ST6GALNAC3: variants seen among roughly 807,000 people sequenced by gnomAD.
ST6GALNAC3 encodes ST6 N-acetylgalactosaminide alpha-2,6-sialyltransferase 3.
Under a neutral mutation model 32.7 loss-of-function variants are expected in ST6GALNAC3, and 25 were observed. The ratio of observed to expected loss-of-function variants is 0.76; its 90% confidence interval spans 0.56 to 1.07. The LOEUF is 1.07. Among genes scored for constraint, ST6GALNAC3 ranks in the 50% least tolerant of loss-of-function variants. ST6GALNAC3 has a pLI of 0.00. For synonymous variants in ST6GALNAC3, 129 were observed against 133.1 expected (o/e 0.97, Z 0.21); for missense variants, 355 against 382.4 (o/e 0.93, Z 0.60).
At chr1:76,616,530 G>A (rs957103349) in intron 3 of ST6GALNAC3, among the ~76,000 whole-genome samples, 7 of 152,130 alleles carry the variant, frequency 4.6e-5, no homozygotes, top group East Asian at 1.9e-4. Flanking sequence ...TGAGAGCAGC[G>A]CCTGCCTTGA....
chr1:76,317,734 G>C (rs1031294606), intron 2 of ST6GALNAC3, among the ~76,000 whole-genome samples: 5 of 152,110 alleles, frequency 3.3e-5, no homozygotes, highest in Non-Finnish European at 7.3e-5. Context: ...TGATGCTTCA[G>C]CTTGGCCAGA....
intron 3 of ST6GALNAC3, among the ~76,000 whole-genome samples, chr1:76,538,582 C>T (rs1254691288): frequency 6.6e-6 from 1 of 152,190 alleles, no homozygotes; most frequent in African/African-American, 2.4e-5. Context: ...ATCAAATTAT[C>T]TCTGTTTGCA....
At chr1:76,211,821 A>T (rs1296417938) in intron 1 of ST6GALNAC3, among the ~76,000 whole-genome samples, 3 of 152,086 alleles carry the variant, frequency 2.0e-5, no homozygotes, top group African/African-American at 7.2e-5. Context: ...GCATTAGGAG[A>T]TATACCTAAT....
chr1:76,337,148 A>G (rs1311529592), intron 2 of ST6GALNAC3, among the ~76,000 whole-genome samples: 4 of 152,152 alleles, frequency 2.6e-5, no homozygotes. Flanking sequence ...TTTCTCCTAG[A>G]TCCGCCCCCT....
intron 2 of ST6GALNAC3, among the ~76,000 whole-genome samples, chr1:76,364,093 ATAT>A (rs1161313908): frequency 2.6e-5 from 4 of 152,338 alleles, no homozygotes; most frequent in Admixed American, 2.0e-4. Flanking sequence ...AGACAGAATA[ATAT>A]TATGAAAGTC....
chr1:76,330,130 A>C (rs889928895), intron 2 of ST6GALNAC3, among the ~76,000 whole-genome samples: 6 of 151,622 alleles, frequency 4.0e-5, no homozygotes, highest in Non-Finnish European at 7.4e-5. Context: ...GAGAATATTA[A>C]ACAAATAAAC....
At chr1:76,444,343 A>G (rs892813584) in intron 3 of ST6GALNAC3, among the ~76,000 whole-genome samples, 1 of 152,184 alleles carries the variant, frequency 6.6e-6, no homozygotes, top group African/African-American at 2.4e-5. Flanking sequence ...GATGGCTCCT[A>G]TAACACTGGT....
chr1:76,531,379 A>G (rs551923868), intron 3 of ST6GALNAC3, among the ~76,000 whole-genome samples: 10 of 152,270 alleles, frequency 6.6e-5, no homozygotes, highest in African/African-American at 1.7e-4. Context: ...GAATCAGTAA[A>G]CATCACGGGA....
In ST6GALNAC3 at chr1:76,518,665, C is replaced by T. The variant is rs1662320054; in HGVS notation, c.623+106248C>T. On this transcript the variant is annotated intron_variant, in intron 3 of 4. Coordinates refer to ENST00000328299, the MANE Select transcript of ST6GALNAC3 (RefSeq NM_152996.4). ...AATTTTTCATTTTCTTTCTACTTCC[C>T]TGCCCCTTCCTGTGTTTTGTTAAAA... 2.6e-5 allele frequency among the ~76,000 whole-genome samples: 4 copies of T among 152,170 alleles called. No individual in the cohort carries two copies. The South Asian group carries it at 6.2e-4, about 24-fold the overall frequency.
intron 1 of ST6GALNAC3, among the ~76,000 whole-genome samples, chr1:76,296,038 T>TTATGCATA (rs1660384915): frequency 2.0e-5 from 3 of 152,042 alleles, no homozygotes; most frequent in African/African-American, 7.2e-5. Context: ...GGGTGGTGTG[T>TTATGCATA]TCTGAACGTT....
intron 2 of ST6GALNAC3, among the ~76,000 whole-genome samples, chr1:76,350,845 A>G (rs372509662): frequency 3.9e-5 from 6 of 152,216 alleles, no homozygotes; most frequent in Non-Finnish European, 7.4e-5. Context: ...TTTCCTAAGC[A>G]TTATAATTCT....
intron 1 of ST6GALNAC3, among the ~76,000 whole-genome samples, chr1:76,149,270 T>C (rs1013815296): frequency 2.0e-5 from 3 of 152,188 alleles, no homozygotes; most frequent in Non-Finnish European, 2.9e-5. Context: ...CATTCAACCA[T>C]GTATAGTGAA....
At chr1:76,209,874 G>A (rs1655041073) in intron 1 of ST6GALNAC3, among the ~76,000 whole-genome samples, 1 of 152,012 alleles carries the variant, frequency 6.6e-6, no homozygotes, top group African/African-American at 2.4e-5. Flanking sequence ...GATTATCTTG[G>A]GGTTTATTTT....
At chr1:76,414,482 C>T (rs1285271826) in intron 3 of ST6GALNAC3, among the ~76,000 whole-genome samples, 2 of 152,022 alleles carry the variant, frequency 1.3e-5, no homozygotes, top group Non-Finnish European at 2.9e-5. Flanking sequence ...AATCTATATC[C>T]TAACCCCATC....
intron 3 of ST6GALNAC3, among the ~76,000 whole-genome samples, chr1:76,524,330 T>G (rs958794645): frequency 5.9e-5 from 9 of 152,182 alleles, no homozygotes; most frequent in Admixed American, 6.6e-5. Flanking sequence ...CATCTTGAAC[T>G]AGAACCCCCA....
chr1:76,125,352 T>G lies in ST6GALNAC3; in HGVS notation c.18+50468T>G, dbSNP rs373740120. 1.6e-4 allele frequency among the ~76,000 whole-genome samples: 24 copies of G among 152,314 alleles called. No homozygotes were observed. The East Asian group carries it at 3.9e-3, about 25-fold the overall frequency. ...CTGCACCTATTGATTGATCCCTCAG[T>G]GGCTGCTGGTTGGCTCTTTGTCCCA... On this transcript the variant is annotated intron_variant, in intron 1 of 4. Coordinates refer to ENST00000328299, the MANE Select transcript of ST6GALNAC3 (RefSeq NM_152996.4).
chr1:76,136,829 A>T (rs553852541), intron 1 of ST6GALNAC3, among the ~76,000 whole-genome samples: 4 of 152,254 alleles, frequency 2.6e-5, no homozygotes, highest in Non-Finnish European at 4.4e-5. Flanking sequence ...CTTGGTGAGA[A>T]TTTTTTTGTA....
At chr1:76,129,723 G>A (rs992031658) in intron 1 of ST6GALNAC3, among the ~76,000 whole-genome samples, 1 of 152,124 alleles carries the variant, frequency 6.6e-6, no homozygotes, top group African/African-American at 2.4e-5. Context: ...TCATGGCAAA[G>A]ATTTTTTTTC....
In ST6GALNAC3 at chr1:76,600,333, G is replaced by T. The variant is rs76165110; in HGVS notation, c.624-27119G>T. 3.7e-4 allele frequency among the ~76,000 whole-genome samples: 56 copies of T among 152,254 alleles called. 1 individual carries two copies. In the East Asian group the frequency reaches 9.7e-3, roughly 26 times the overall value. ...TTGTTTCTAAGTCACCCAGTTTATGGTATTTTATTATAGCAACCCAAATTG... is the reference window on the plus strand; with the variant it reads ...TTGTTTCTAAGTCACCCAGTTTATGTTATTTTATTATAGCAACCCAAATTG... On this transcript the variant is annotated intron_variant, in intron 3 of 4. Transcript: ENST00000328299.
Sources: allele counts gnomAD v4.1 joint callset (sites outside exome capture counted in the v4.1 genomes callset), GRCh38; gene constraint gnomAD v4.1.1; transcripts MANE v1.5; gene names NCBI Gene and HGNC (gene_info 2026-07-23, HGNC 2026-07-21).